The following FSTL5 variants were observed in gnomAD, a reference collection of about 807,000 sequenced individuals.
FSTL5 encodes follistatin-related protein 5.
A neutral mutation model predicts 89.1 loss-of-function variants in FSTL5; 62 were observed. The observed-to-expected ratio is 0.70, with a 90% confidence interval of 0.57 to 0.86. The LOEUF is 0.86. Ranked by LOEUF, FSTL5 falls within the 40% of genes least tolerant of loss-of-function variation. The probability of loss-of-function intolerance (pLI) is 0.00; values close to 1 mark genes in which losing one functional copy is unlikely to be tolerated. For synonymous variants in FSTL5, 383 were observed against 346.2 expected (o/e 1.11, Z -1.18); for missense variants, 1,057 against 1,001.6 (o/e 1.06, Z -0.75).
chr4:162,022,053 T>A (rs1353279350), intron 3 of FSTL5, among the ~76,000 whole-genome samples: 2 of 148,074 alleles, frequency 1.4e-5, no homozygotes, highest in Non-Finnish European at 3.0e-5. Context: ...ATTGCACCAG[T>A]GCACTCCAGC....
chr4:162,116,270 T>C (rs1206713721), intron 1 of FSTL5, among the ~76,000 whole-genome samples: 3 of 152,204 alleles, frequency 2.0e-5, no homozygotes, highest in Non-Finnish European at 4.4e-5. Flanking sequence ...ATTTCTTTTA[T>C]GGGAGCTGTA....
intron 8 of FSTL5, among the ~76,000 whole-genome samples, chr4:161,573,733 CAAAAAAAAAAAAAAA>C (rs70937664): frequency 2.0e-5 from 1 of 50,622 alleles, no homozygotes; most frequent in African/African-American, 8.4e-5. Flanking sequence ...AACTCCAGCT[CAAAAAAAAAAAAAAA>C]AAAAAAAAAG....
In FSTL5 at chr4:161,404,636, G is replaced by T. The variant is rs1396304227; in HGVS notation, c.1842-18187C>A. Among the ~76,000 whole-genome samples the T allele has an allele frequency of 3.3e-5, 5 of 149,370 alleles. No individual in the cohort carries two copies. In the East Asian group the frequency reaches 9.8e-4, roughly 29 times the overall value. ...AACCACAAGCTGGTCAAAAGCTAAA[G>T]AAACTAAGATTTAAATGACAGTACG... On this transcript the variant is annotated intron_variant, in intron 15 of 15. Transcript: ENST00000306100.
At chr4:161,435,892 C>A (rs1005558444) in intron 15 of FSTL5, among the ~76,000 whole-genome samples, 3 of 151,958 alleles carry the variant, frequency 2.0e-5, no homozygotes, top group African/African-American at 4.8e-5. Flanking sequence ...TGGACTTCCC[C>A]CCAAAGAACT....
At chr4:161,603,719 G>T (rs1371600448) in intron 7 of FSTL5, among the ~76,000 whole-genome samples, 1 of 151,818 alleles carries the variant, frequency 6.6e-6, no homozygotes, top group East Asian at 1.9e-4. Context: ...ACATGGATGA[G>T]AGCAGAGAAT....
intron 1 of FSTL5, among the ~76,000 whole-genome samples, chr4:162,126,637 T>TG (rs1259257542): frequency 2.4e-5 from 3 of 124,492 alleles, no homozygotes; most frequent in Non-Finnish European, 5.0e-5. Flanking sequence ...TGTCTATAGA[T>TG]TTTTTGTCAA....
intron 7 of FSTL5, among the ~76,000 whole-genome samples, chr4:161,645,625 T>C (rs1211582083): frequency 6.6e-6 from 1 of 152,106 alleles, no homozygotes; most frequent in Non-Finnish European, 1.5e-5. Context: ...ATGTCTCTAA[T>C]TTAATAATTA....
At chr4:161,755,634 C>T (rs549935997) in intron 6 of FSTL5, among the ~76,000 whole-genome samples, 2 of 152,096 alleles carry the variant, frequency 1.3e-5, no homozygotes, top group South Asian at 2.1e-4. Flanking sequence ...GGAAGGCATC[C>T]TGGATGTGGA....
At chr4:162,071,899 T>C (rs1729639771) in intron 2 of FSTL5, among the ~76,000 whole-genome samples, 1 of 151,826 alleles carries the variant, frequency 6.6e-6, no homozygotes, top group Non-Finnish European at 1.5e-5. Context: ...TCCTTAATGA[T>C]GAATGGGTCA....
chr4:162,039,369 T>C (rs1195714619), intron 2 of FSTL5, among the ~76,000 whole-genome samples: 2 of 151,892 alleles, frequency 1.3e-5, no homozygotes, highest in Non-Finnish European at 2.9e-5. Context: ...AAAAAACATA[T>C]AGTAAGACGA....
chr4:161,968,880 C>A (rs564563359), intron 3 of FSTL5, among the ~76,000 whole-genome samples: 1 of 151,008 alleles, frequency 6.6e-6, no homozygotes, highest in South Asian at 2.1e-4. Context: ...CATAAAAGAC[C>A]TTAAGAAGCA....
chr4:161,645,639 T>G (rs1560767770), intron 7 of FSTL5, among the ~76,000 whole-genome samples: 1 of 151,978 alleles, frequency 6.6e-6, no homozygotes, highest in Non-Finnish European at 1.5e-5. Flanking sequence ...ATAATTACTA[T>G]TGAACCTACA....
At chr4:161,398,973 G>A (rs1211014093) in intron 15 of FSTL5, among the ~76,000 whole-genome samples, 1 of 151,688 alleles carries the variant, frequency 6.6e-6, no homozygotes, top group African/African-American at 2.4e-5. Context: ...ATAGCCACTT[G>A]GTGCAATAGA....
chr4:161,877,867 G>T lies in FSTL5; in HGVS notation c.409+42537C>A, dbSNP rs568090326. ...GACGGGGTTTCACCGTGTTAGCCAG[G>T]ATGGTCTCGATCTCCTGACCTCGTG... On this transcript the variant is annotated intron_variant, in intron 4 of 15. Transcript: ENST00000306100. Among the ~76,000 whole-genome samples the T allele has an allele frequency of 3.7e-3, 567 of 151,318 alleles. 5 individuals carry two copies. The highest frequency in any genetic ancestry group is 3.3e-3 in the Non-Finnish European group (227 of 67,842).
intron 4 of FSTL5, among the ~76,000 whole-genome samples, chr4:161,853,334 C>A (rs1420280629): frequency 6.6e-6 from 1 of 152,002 alleles, no homozygotes; most frequent in African/African-American, 2.4e-5. Context: ...GTGGCACGAT[C>A]TCGGCTCACT....
At chr4:161,543,664 AT>A (rs543805134) in intron 8 of FSTL5, among the ~76,000 whole-genome samples, 30 of 151,980 alleles carry the variant, frequency 2.0e-4, no homozygotes, top group African/African-American at 5.1e-4. Flanking sequence ...ATTGATGGTC[AT>A]TTTTTTTCCC....
chr4:161,686,752 T>C (rs886782154), intron 6 of FSTL5, among the ~76,000 whole-genome samples: 1 of 152,244 alleles, frequency 6.6e-6, no homozygotes, highest in African/African-American at 2.4e-5. Context: ...GTTTTTCTCA[T>C]TTCCATCTCT....
chr4:161,969,844 G>A (rs1418852134), intron 3 of FSTL5, among the ~76,000 whole-genome samples: 1 of 151,998 alleles, frequency 6.6e-6, no homozygotes, highest in Non-Finnish European at 1.5e-5. Context: ...TAAGAAATGA[G>A]GGATGATAAT....
intron 1 of FSTL5, among the ~76,000 whole-genome samples, chr4:162,153,136 C>A (rs150680855): frequency 6.6e-6 from 1 of 152,088 alleles, no homozygotes; most frequent in Non-Finnish European, 1.5e-5. Flanking sequence ...ATTCAACATT[C>A]TTCCACCCTA....
Sources: gnomAD v4.1 joint callset for allele counts (sites outside exome capture counted in the v4.1 genomes callset) on GRCh38, gnomAD v4.1.1 for gene constraint, MANE v1.5 for transcripts, NCBI Gene and HGNC (gene_info 2026-07-23, HGNC 2026-07-21) for gene names.